COX7A2L: variants seen among roughly 807,000 people sequenced by gnomAD.
COX7A2L encodes the protein cytochrome c oxidase subunit 7A2-like, mitochondrial.
Under a neutral mutation model 14.2 loss-of-function variants are expected in COX7A2L, and 18 were observed. The observed-to-expected ratio is 1.27, with a 90% CI of 0.88 to 1.88. The LOEUF (loss-of-function observed/expected upper bound fraction) is 1.88, where lower values mean the gene tolerates loss of function less well. COX7A2L is among the 40% of genes most tolerant of loss of function. The pLI is 0.00. For missense variants in COX7A2L, 179 were observed against 138.8 expected (o/e 1.29, Z -1.46); for synonymous variants, 65 against 57.4 (o/e 1.13, Z -0.60).
At chr2:42,353,523 C>T (rs910184371) in intron 1 of COX7A2L, among the ~76,000 whole-genome samples, 180 bp from the exon 2 acceptor site, 4 of 152,154 alleles carry the variant, frequency 2.6e-5, no homozygotes, top group Admixed American at 6.5e-5. Context: ...GTCAGGGGGA[C>T]GCCAACAAAG....
rs202062223 is a variant in COX7A2L, at chr2:42,361,170, G to A, written c.-9C>T. On this transcript the variant is annotated 5_prime_UTR_variant, in exon 1 of 3. Transcript: ENST00000234301. ...CTAAACTTGTAGTACATGACGCCCA[G>A]AGTCCGGCTTCCCGCATCCGCTGCC... 10 of 1,607,238 alleles carry A rather than the reference G, an allele frequency of 6.2e-6. No individual in the cohort carries two copies. The highest frequency in any genetic ancestry group is 2.2e-5 in the South Asian group (2 of 90,258).
downstream of COX7A2L, among the ~76,000 whole-genome samples, chr2:42,344,384 G>C (rs560994594): frequency 1.3e-5 from 2 of 152,274 alleles, no homozygotes; most frequent in Admixed American, 6.5e-5. Flanking sequence ...CTTTAGGAAT[G>C]AAAGTCTCCT....
rs1364973417 is a variant in COX7A2L, at chr2:42,338,849, C to G, written c.193-4980G>C. ...GCGGCAGAGGTACCATCTCCCATGT[C>G]TAGAAAGGAAAAAGAGAAGATGAAG... On this transcript the variant is annotated intron_variant, in intron 2 of 2. Transcript: ENST00000468711. The surrounding 1 kb of genome is among the most constrained non-coding windows in gnomAD (Gnocchi z 4.4). Among the ~76,000 whole-genome samples the G allele has an allele frequency of 6.6e-6, 1 of 152,182 alleles. No individual in the cohort carries two copies. The highest frequency in any genetic ancestry group is 1.9e-4 in the East Asian group (1 of 5,190).
chr2:42,360,624 C>A (rs1196961430), intron 1 of COX7A2L, among the ~76,000 whole-genome samples: 1 of 152,288 alleles, frequency 6.6e-6, no homozygotes, highest in African/African-American at 2.4e-5. Context: ...AGCCCCCCAA[C>A]CCCCTGCACC....
rs927567276 is a variant in COX7A2L, at chr2:42,339,440, C to T, written c.193-5571G>A. Reference sequence around the variant, plus strand: ...GCGGGGCAGCCTCCAAGGCCACAGGCGTTACTCCTGCCTCTACAGAGCTGG... The same window carrying T: ...GCGGGGCAGCCTCCAAGGCCACAGGTGTTACTCCTGCCTCTACAGAGCTGG... On this transcript the variant is annotated intron_variant, in intron 2 of 2. Transcript: ENST00000468711. The surrounding 1 kb of genome is among the most constrained non-coding windows in gnomAD (Gnocchi z 5.4). Among the ~76,000 whole-genome samples the T allele has an allele frequency of 7.9e-5, 12 of 152,144 alleles. No homozygotes were observed. Among genetic ancestry groups the T allele is most frequent in the African/African-American group, 1.2e-4 (5 of 41,428 alleles).
rs1670691712 is a variant in COX7A2L, at chr2:42,352,887, T to C, written c.204+325A>G. The C allele has an allele frequency of 1.1e-5, 4 of 365,918 alleles. No homozygotes were observed. The South Asian group carries it at 3.3e-4, about 30-fold the overall frequency. 22.7% of individuals were successfully genotyped at this position (365,918 alleles called of 1,614,324 possible). On this transcript the variant is annotated intron_variant, in intron 2 of 2. Coordinates refer to ENST00000234301, the MANE Select transcript of COX7A2L (RefSeq NM_004718.4). ...CATGTGTCACGAAGTCAAATATATA[T>C]ATTGGGTCATTCAGTTATACAGGCT...
At chr2:42,341,597 T>C (rs1219442409) in intron 2 of COX7A2L, among the ~76,000 whole-genome samples, 1 of 152,180 alleles carries the variant, frequency 6.6e-6, no homozygotes, top group African/African-American at 2.4e-5. Context: ...CTCAGAGTGA[T>C]GGGTGGGGGG....
chr2:42,358,403 C>T (rs1231011240), intron 1 of COX7A2L, among the ~76,000 whole-genome samples: 2 of 152,204 alleles, frequency 1.3e-5, no homozygotes, highest in Non-Finnish European at 1.5e-5. Flanking sequence ...ACAGAACCAC[C>T]TTTTCCATAT....
intron 2 of COX7A2L, among the ~76,000 whole-genome samples, chr2:42,351,894 G>T (rs1472922223): frequency 6.6e-6 from 1 of 152,148 alleles, no homozygotes; most frequent in East Asian, 1.9e-4. Context: ...GAGGTGGGAG[G>T]ATCGCTTGAG....
At chr2:42,355,091 C>T (rs1174048996) in intron 1 of COX7A2L, among the ~76,000 whole-genome samples, 1 of 152,304 alleles carries the variant, frequency 6.6e-6, no homozygotes, top group African/African-American at 2.4e-5. Flanking sequence ...ACTCACACCC[C>T]ACCCTCCCAA....
chr2:42,344,274 A>G (rs1670453132), intron 2 of COX7A2L, among the ~76,000 whole-genome samples: 1 of 152,244 alleles, frequency 6.6e-6, no homozygotes, highest in Non-Finnish European at 1.5e-5. Flanking sequence ...CTGGTTAAAA[A>G]TACACATCTA....
intron 1 of COX7A2L, chr2:42,360,816 T>C (rs1381159757): frequency 2.1e-6 from 1 of 480,172 alleles, no homozygotes; most frequent in Non-Finnish European, 3.8e-6. Context: ...AACCATCCCT[T>C]TTAGACAAGT....
At position 42,350,479 on chromosome 2, in the gene COX7A2L, T is replaced by G. The variant is rs866281977; in HGVS notation, c.*740A>C. 2 of 150,610 alleles carry G rather than the reference T, an allele frequency of 1.3e-5. No individual in the cohort carries two copies. Among genetic ancestry groups the G allele is most frequent in the African/African-American group, 5.0e-5 (2 of 39,946 alleles). 9.3% of individuals were successfully genotyped at this position (150,610 alleles called of 1,614,324 possible). ...GTTCTGAAATTACTCTGAAAGGTCA[T>G]TCAAAGAACTTCAAACTTAAAATTT... On this transcript the variant is annotated 3_prime_UTR_variant, in exon 3 of 3. Coordinates refer to ENST00000234301, the MANE Select transcript of COX7A2L (RefSeq NM_004718.4).
Position 42,338,909 on chromosome 2 carries a change from TC to T in COX7A2L, c.193-5041del, listed in dbSNP as rs1343739844. Among the ~76,000 whole-genome samples the T allele has an allele frequency of 6.6e-6, 1 of 152,176 alleles. No individual in the cohort carries two copies. The highest frequency in any genetic ancestry group is 1.5e-5 in the Non-Finnish European group (1 of 68,038). On this transcript the variant is annotated intron_variant, in intron 2 of 2. Coordinates refer to the COX7A2L transcript ENST00000468711. The surrounding 1 kb of genome is among the most constrained non-coding windows in gnomAD (Gnocchi z 4.4). Reference sequence around the variant, plus strand: ...ACATCCAATCCAAAGGGGAGAGACATCCTGGCGAGCTCAGCACATAAGAGAA... The same window carrying T: ...ACATCCAATCCAAAGGGGAGAGACATCTGGCGAGCTCAGCACATAAGAGAA...
rs973979897 is a variant in COX7A2L at position 42,349,886 on chromosome 2, T to C, written c.*1333A>G. ...ATCTATGTGTGTGTGCATATATGCA[T>C]TGTGTGTGCCTGTGTGAGAGAACAA... On this transcript the variant is annotated 3_prime_UTR_variant, in exon 3 of 3. Coordinates refer to ENST00000234301, the MANE Select transcript of COX7A2L (RefSeq NM_004718.4). 7.9e-5 allele frequency: 12 copies of C among 152,202 alleles called. No homozygotes were observed. The highest frequency in any genetic ancestry group is 2.7e-4 in the African/African-American group (11 of 41,440). The allele number at this position is 152,202 out of a possible 1,614,324, so 9.4% of individuals were successfully genotyped here.
At chr2:42,343,416 T>A (rs1178621477) in intron 2 of COX7A2L, among the ~76,000 whole-genome samples, 1 of 152,202 alleles carries the variant, frequency 6.6e-6, no homozygotes, top group Non-Finnish European at 1.5e-5. Context: ...ACTAATTAAA[T>A]GTCTAGAATA....
At position 42,351,288 on chromosome 2, in the gene COX7A2L, C is replaced by T. The variant is rs776114196; in HGVS notation, c.276G>A (p.Ala92=). The T allele has an allele frequency of 9.9e-6, 16 of 1,614,042 alleles. No homozygotes were observed. In the East Asian group the frequency reaches 1.1e-4, roughly 11 times the overall value. Residue 92 remains alanine, a synonymous_variant, in exon 3 of 3, where the codon GCG becomes GCA. Coordinates refer to ENST00000234301, the MANE Select transcript of COX7A2L (RefSeq NM_004718.4). The stretch of plus-strand genomic sequence containing the variant: ...AGTAGATGGTCCCTCCCACAGTCAG[C>T]GCCATGGTGGTCCGGTAAAGCATTT... ...PDQMLYRTTM[A]LTVGGTIYCL...
At chr2:42,352,930 A>G in intron 2 of COX7A2L, 1 of 486,132 alleles carries the variant, frequency 2.1e-6, no homozygotes, top group Non-Finnish European at 3.6e-6. Flanking sequence ...TATTGAGGCT[A>G]TTGCTTCTTC....
upstream of COX7A2L, among the ~76,000 whole-genome samples, chr2:42,362,630 G>A (rs74507841): frequency 0.011 from 1,610 of 152,222 alleles, 29 homozygotes; most frequent in African/African-American, 0.036. Context: ...GGAGGATCAA[G>A]GCTGAGCATT....
Sources: allele counts gnomAD v4.1 joint callset (sites outside exome capture counted in the v4.1 genomes callset), GRCh38; gene constraint gnomAD v4.1.1; non-coding constraint Gnocchi (gnomAD v3.1); transcripts MANE v1.5; gene names NCBI Gene and HGNC (gene_info 2026-07-23, HGNC 2026-07-21).